AK8: variants seen among roughly 807,000 people sequenced by gnomAD.
AK8 encodes the protein ATP-AMP transphosphorylase 8.
In AK8, 44 loss-of-function variants were observed where a neutral mutation model predicts 54.6. The ratio of observed to expected loss-of-function variants is 0.81; its 90% confidence interval spans 0.63 to 1.04. The LOEUF (loss-of-function observed/expected upper bound fraction) is 1.04. Among genes scored for constraint, AK8 ranks in the 50% least tolerant of loss-of-function variants. The pLI is 0.00. For missense variants in AK8, 555 were observed against 613.6 expected, an observed-to-expected ratio of 0.90 and a Z score of 1.01; for synonymous variants, 239 against 245.6, an observed-to-expected ratio of 0.97 and a Z score of 0.25.
At chr9:132,727,299 C>T (rs1220481213) in intron 12 of AK8, among the ~76,000 whole-genome samples, 155 bp downstream of exon 12, 1 of 152,182 alleles carries the variant, frequency 6.6e-6, no homozygotes, top group Non-Finnish European at 1.5e-5. Context: ...AGATATTGCA[C>T]AGAACAGCCA....
intron 11 of AK8, among the ~76,000 whole-genome samples, chr9:132,768,382 C>G (rs1838811910): frequency 6.6e-6 from 1 of 152,136 alleles, no homozygotes; most frequent in African/African-American, 2.4e-5. Flanking sequence ...ATGCTCCTGC[C>G]TCAGTCTCCC....
intron 10 of AK8, among the ~76,000 whole-genome samples, chr9:132,797,228 G>A (rs771003132): frequency 4.6e-5 from 7 of 151,996 alleles, no homozygotes; most frequent in Non-Finnish European, 1.0e-4. Flanking sequence ...CCCCCAGTAG[G>A]GTCAGGCTCA....
At chr9:132,866,193 G>C (rs1037750331) in intron 3 of AK8, among the ~76,000 whole-genome samples, 4 of 152,140 alleles carry the variant, frequency 2.6e-5, no homozygotes, top group African/African-American at 9.7e-5. Flanking sequence ...GTGATACTCT[G>C]TCTGAAAAAA....
chr9:132,821,346 C>T (rs1459269750), intron 9 of AK8, among the ~76,000 whole-genome samples: 2 of 152,112 alleles, frequency 1.3e-5, no homozygotes, highest in African/African-American at 2.4e-5. Context: ...AGGTAGACTG[C>T]TGGTCATCGG....
intron 10 of AK8, among the ~76,000 whole-genome samples, chr9:132,794,667 G>T (rs1477010763): frequency 6.6e-6 from 1 of 152,204 alleles, no homozygotes; most frequent in African/African-American, 2.4e-5. Flanking sequence ...AAAGATGTCT[G>T]GCACATAGTA....
intron 11 of AK8, 29 bp from the exon 12 acceptor site, chr9:132,727,563 G>T: frequency 6.3e-7 from 1 of 1,590,868 alleles, no homozygotes; most frequent in Non-Finnish European, 8.6e-7. Flanking sequence ...TATTAATAAT[G>T]GTTTTTATTT....
chr9:132,772,598 C>G (rs1336293389), intron 11 of AK8, among the ~76,000 whole-genome samples: 1 of 152,210 alleles, frequency 6.6e-6, no homozygotes, highest in Non-Finnish European at 1.5e-5. Context: ...GATACCTCAT[C>G]TATGGTACAT....
At chr9:132,733,165 T>A (rs552159935) in intron 11 of AK8, among the ~76,000 whole-genome samples, 1 of 152,152 alleles carries the variant, frequency 6.6e-6, no homozygotes, top group South Asian at 2.1e-4. Flanking sequence ...ACGTCCTCCT[T>A]GCACATGTGC....
rs576117467 is a variant in AK8, at chr9:132,827,950, G to A, written c.556+63C>T. The A allele has an allele frequency of 7.1e-5, 105 of 1,489,034 alleles. 2 individuals are homozygous for A. The South Asian group carries it at 1.1e-3, about 15-fold the overall frequency. The allele number at this position is 1,489,034 out of a possible 1,614,324, so 92.2% of individuals were successfully genotyped here. ...AATGCGAGGTCAGGAAATGGTAGAC[G>A]GGCTGTCATCACCATGGACTCTGAA... On this transcript the variant is annotated intron_variant, in intron 7 of 12. Coordinates refer to ENST00000298545, the MANE Select transcript of AK8 (RefSeq NM_152572.3).
At chr9:132,773,117 A>ACCT (rs1839060063) in intron 11 of AK8, among the ~76,000 whole-genome samples, 1 of 152,158 alleles carries the variant, frequency 6.6e-6, no homozygotes. Flanking sequence ...GACCTCTGAC[A>ACCT]CCTCACCTGC....
chr9:132,860,817 T>A lies in AK8; in HGVS notation c.333+2848A>T, dbSNP rs576099315. On this transcript the variant is annotated intron_variant, in intron 4 of 12. Transcript: ENST00000298545. This position sits in a 1 kb window ranked among gnomAD's most constrained non-coding sequence, Gnocchi z 4.4. The stretch of plus-strand genomic sequence containing the variant: ...GGCTCTTGCAGGTCATGGGTTGGTC[T>A]CCTGGGTGGGCTGCTGCAGATTGTG... 1.3e-5 allele frequency among the ~76,000 whole-genome samples: 2 copies of A among 152,348 alleles called. No homozygotes were observed. The highest frequency in any genetic ancestry group is 1.9e-4 in the East Asian group (1 of 5,184).
chr9:132,871,801 G>T (rs1390280456), intron 2 of AK8, among the ~76,000 whole-genome samples: 1 of 152,234 alleles, frequency 6.6e-6, no homozygotes, highest in Non-Finnish European at 1.5e-5. Flanking sequence ...ACAAAGGCAG[G>T]GAGGTGGCAG....
chr9:132,824,631 CAG>C (rs1841799152), intron 8 of AK8, among the ~76,000 whole-genome samples: 2 of 152,200 alleles, frequency 1.3e-5, no homozygotes, highest in African/African-American at 4.8e-5. Context: ...AAAACCTTTA[CAG>C]ACATTGCCAA....
At chr9:132,808,102 T>A (rs1564412437) in intron 10 of AK8, among the ~76,000 whole-genome samples, 1 of 152,130 alleles carries the variant, frequency 6.6e-6, no homozygotes, top group Admixed American at 6.5e-5. Flanking sequence ...AGCTGAGAAC[T>A]TATTTTTCCA....
At chr9:132,749,507 T>C (rs1016055286) in intron 11 of AK8, among the ~76,000 whole-genome samples, 1 of 151,864 alleles carries the variant, frequency 6.6e-6, no homozygotes, top group East Asian at 1.9e-4. Context: ...TGCGTCTTCA[T>C]GGCAAGCCCG....
chr9:132,791,246 G>C lies in AK8; in HGVS notation c.1121+1388C>G, dbSNP rs766019827. 6.6e-6 allele frequency among the ~76,000 whole-genome samples: 1 copy of C among 152,152 alleles called. No individual in the cohort carries two copies. The highest frequency in any genetic ancestry group is 1.9e-4 in the East Asian group (1 of 5,198). On this transcript the variant is annotated intron_variant, in intron 11 of 12. Coordinates refer to ENST00000298545, the MANE Select transcript of AK8 (RefSeq NM_152572.3). This position sits in a 1 kb window ranked among gnomAD's most constrained non-coding sequence, Gnocchi z 4.0. ...GGAGAGAGACAGAGAGAGAGCAAAG[G>C]GGGAGGTGCCACACTTTAAAACCAT...
At chr9:132,825,890 A>G (rs997630688) in intron 8 of AK8, among the ~76,000 whole-genome samples, 1 of 152,236 alleles carries the variant, frequency 6.6e-6, no homozygotes, top group African/African-American at 2.4e-5. Context: ...CATTTACCCA[A>G]CACTGTGTGG....
chr9:132,760,876 T>C (rs1227841886), intron 11 of AK8, among the ~76,000 whole-genome samples: 1 of 152,206 alleles, frequency 6.6e-6, no homozygotes, highest in East Asian at 1.9e-4. Context: ...ATTCAAGTAA[T>C]AGCTTTTCTA....
chr9:132,801,972 C>G (rs1035610547), intron 10 of AK8, among the ~76,000 whole-genome samples: 4 of 152,170 alleles, frequency 2.6e-5, no homozygotes, highest in Non-Finnish European at 5.9e-5. Context: ...TTTAGGAGGA[C>G]GAGCACTGTG....
Sources: gnomAD v4.1 joint callset for allele counts (sites outside exome capture counted in the v4.1 genomes callset) on GRCh38, gnomAD v4.1.1 for gene constraint, Gnocchi (gnomAD v3.1) non-coding constraint, MANE v1.5 for transcripts, NCBI Gene and HGNC (gene_info 2026-07-23, HGNC 2026-07-21) for gene names.